Variants in IRS1 observed in about 807,000 individuals in gnomAD.
IRS1 encodes insulin receptor substrate 1.
IRS1 carries 34 observed loss-of-function variants against 65.6 expected under a neutral mutation model. The observed-to-expected ratio is 0.52, with a 90% CI of 0.39 to 0.69. The LOEUF is 0.69. IRS1 is among the 30% of genes least tolerant of loss of function. The pLI is 0.00. For synonymous variants in IRS1, 699 were observed against 683.5 expected (o/e 1.02, Z -0.35); for missense variants, 1,641 against 1,720.2 (o/e 0.95, Z 0.81).
chr2:226,772,312 T>C (rs1275531946), intron 1 of IRS1, among the ~76,000 whole-genome samples: 3 of 152,152 alleles, frequency 2.0e-5, no homozygotes, highest in African/African-American at 7.2e-5. Flanking sequence ...AACAACATTA[T>C]AAGACAGACT....
chr2:226,797,946 G>A lies in IRS1; in HGVS notation c.793C>T (p.Arg265Cys), dbSNP rs1412312472. 3.1e-6 allele frequency: 5 copies of A among 1,613,966 alleles called. No homozygotes were observed. The highest frequency in any genetic ancestry group is 4.2e-6 in the Non-Finnish European group (5 of 1,180,020). The change falls in exon 1 of 2, where the codon CGC (arginine) becomes TGC (cysteine). Residue 265 changes from arginine to cysteine, a missense_variant. By Grantham distance (180) the Arg-to-Cys change is radical (BLOSUM62 -3). This residue lies in a region of IRS1 where 1,324 missense variants were observed against 1,361.0 expected (regional missense o/e 0.97). Transcript: ENST00000305123. This position sits in a 1 kb window ranked among gnomAD's most constrained non-coding sequence, Gnocchi z 8.1. ...GAGGACTGGCTCTTGCTGCGAGGGCGGAACTCATCACTCATGGCCCGCATG... is the reference window on the plus strand; with the variant it reads ...GAGGACTGGCTCTTGCTGCGAGGGCAGAACTCATCACTCATGGCCCGCATG... Reference protein sequence around the residue: ...EAMRAMSDEFRPRSKSQSSSN... With the variant: ...EAMRAMSDEFCPRSKSQSSSN...
rs1939842705 is a variant in IRS1, at chr2:226,799,380, CTG to C, written c.-644_-643del. 1 of 1,268,314 alleles carries C rather than the reference CTG, an allele frequency of 7.9e-7. No homozygotes were observed. The highest frequency in any genetic ancestry group is 2.5e-5 in the Admixed American group (1 of 39,796). 78.6% of individuals were successfully genotyped at this position (1,268,314 alleles called of 1,614,324 possible). On this transcript the variant is annotated 5_prime_UTR_variant, in exon 1 of 2. The change abolishes the stop of an existing upstream ORF in the 5' untranslated region. Coordinates refer to ENST00000305123, the MANE Select transcript of IRS1 (RefSeq NM_005544.3). This position sits in a 1 kb window ranked among gnomAD's most constrained non-coding sequence, Gnocchi z 6.1. ...GCTGTTGCTGTTGCTGCTGCTGCTG[CTG>C]CTGCTGCTGCCGCCGCCCGCGGGCG... is the stretch of plus-strand genomic sequence containing the variant.
In IRS1 at chr2:226,794,777, G is replaced by A. The variant is rs543440893; in HGVS notation, c.*21+212C>T. ...CTACTTCACTTGGGAATTCTCAAAC[G>A]AAAAAGCCCTCCTGTGGCTGCTCCT... On this transcript the variant is annotated intron_variant, in intron 1 of 1. Coordinates refer to ENST00000305123, the MANE Select transcript of IRS1 (RefSeq NM_005544.3). The surrounding 1 kb of genome is among the most constrained non-coding windows in gnomAD (Gnocchi z 4.1). Among the ~76,000 whole-genome samples, 4 of 152,274 alleles carry A rather than the reference G, an allele frequency of 2.6e-5. No individual in the cohort carries two copies. The highest frequency in any genetic ancestry group is 3.9e-4 in the East Asian group (2 of 5,178).
Position 226,795,268 on chromosome 2 carries a change from C to T in IRS1, c.3471G>A (p.Gly1157=), listed in dbSNP as rs750119405. 6 of 1,613,850 alleles carry T rather than the reference C, an allele frequency of 3.7e-6. No homozygotes were observed. Among genetic ancestry groups the T allele is most frequent in the Non-Finnish European group, 5.1e-6 (6 of 1,180,012 alleles). Residue 1157 remains glycine (G), a synonymous_variant, in exon 1 of 2, where the codon GGG becomes GGA. Coordinates refer to ENST00000305123, the MANE Select transcript of IRS1 (RefSeq NM_005544.3). ...GTTTGGCTGGCTCCTTGGGGGCTCC[C>T]CCAAGCTCCCCAGGCCTCAGCCACA... ...ENVWLRPGEL[G]GAPKEPAKLC... is the part of the protein sequence containing the mutation.
Position 226,776,820 on chromosome 2 carries a change from C to A in IRS1, c.*21+18169G>T, listed in dbSNP as rs118101579. Among the ~76,000 whole-genome samples the A allele has an allele frequency of 4.9e-4, 75 of 152,252 alleles. No homozygotes were observed. The East Asian group carries it at 5.2e-3, about 11-fold the overall frequency. On this transcript the variant is annotated intron_variant, in intron 1 of 1. Transcript: ENST00000305123. ...TACTCAGGTGCTGAGGTAGGAGAAT[C>A]GCTGGAATCCAGGAGGCAGAGGCTG...
Position 226,734,127 on chromosome 2 carries a change from G to C in IRS1, c.*2145C>G, listed in dbSNP as rs1444746491. The C allele has an allele frequency of 6.6e-6, 1 of 152,122 alleles. No homozygotes were observed. The highest frequency in any genetic ancestry group is 1.5e-5 in the Non-Finnish European group (1 of 68,008). 9.4% of individuals were successfully genotyped at this position (152,122 alleles called of 1,614,324 possible). On this transcript the variant is annotated 3_prime_UTR_variant, in exon 2 of 2. Transcript: ENST00000305123. ...TCAAAGGAAAAGAGCAGGGCAGCTTGCTCTCTTCTTCCACTAGCAAGAGTA... is the reference window on the plus strand; with the variant it reads ...TCAAAGGAAAAGAGCAGGGCAGCTTCCTCTCTTCTTCCACTAGCAAGAGTA...
In IRS1 at chr2:226,795,498, G is replaced by A. The variant is rs200670773; in HGVS notation, c.3241C>T (p.Arg1081Cys). 56 of 1,613,478 alleles carry A rather than the reference G, an allele frequency of 3.5e-5. No homozygotes were observed. Among genetic ancestry groups the A allele is most frequent in the Middle Eastern group, 1.6e-4 (1 of 6,062 alleles). ...AFTRVNLSPN[R>C]NQSAKVIRAD... Reference sequence around the variant, plus strand: ...CGGATCACTTTGGCACTCTGGTTGCGGTTAGGACTGAGGTTCACCCGGGTG... The same window carrying A: ...CGGATCACTTTGGCACTCTGGTTGCAGTTAGGACTGAGGTTCACCCGGGTG... The change falls in exon 1 of 2, where the codon CGC becomes TGC. Residue 1081 changes from arginine to cysteine, a missense_variant. By Grantham distance (180) the Arg-to-Cys change is radical. Transcript: ENST00000305123.
intron 1 of IRS1, among the ~76,000 whole-genome samples, chr2:226,758,413 C>G (rs978333079): frequency 2.0e-5 from 3 of 152,066 alleles, no homozygotes; most frequent in South Asian, 2.1e-4. Flanking sequence ...AATCGAATAC[C>G]TTTATTTTCT....
chr2:226,796,953 C>A lies in IRS1; in HGVS notation c.1786G>T (p.Gly596Trp), dbSNP rs769250896. The A allele has an allele frequency of 1.3e-5, 20 of 1,563,888 alleles. No individual in the cohort carries two copies. Among genetic ancestry groups the A allele is most frequent in the African/African-American group, 4.1e-5 (3 of 74,008 alleles). Reference sequence around the variant, plus strand: ...GAGCTGTCTGGGCGGTGGTGCCCCCCCCGACGCTCCAAGGGGTGCATTTCC... The same window carrying A: ...GAGCTGTCTGGGCGGTGGTGCCCCCACCGACGCTCCAAGGGGTGCATTTCC... Reference protein sequence around the residue: ...GLEMHPLERRGGHHRPDSSTL... With the variant: ...GLEMHPLERRWGHHRPDSSTL... Residue 596 changes from glycine (G) to tryptophan (W), a missense_variant, in exon 1 of 2, where the codon GGG (glycine) becomes TGG (tryptophan). Physicochemically the swap from Gly to Trp is radical, Grantham distance 184. Coordinates refer to ENST00000305123, the MANE Select transcript of IRS1 (RefSeq NM_005544.3).
chr2:226,744,248 A>G (rs556534181), intron 1 of IRS1, among the ~76,000 whole-genome samples: 13 of 152,218 alleles, frequency 8.5e-5, no homozygotes, highest in Non-Finnish European at 1.9e-4. Context: ...GTCCCCGATA[A>G]TATGGGTTGT....
intron 1 of IRS1, among the ~76,000 whole-genome samples, chr2:226,781,086 G>T (rs1421805225): frequency 6.6e-6 from 1 of 152,176 alleles, no homozygotes; most frequent in African/African-American, 2.4e-5. Context: ...TGGTGTTACT[G>T]CTTCCATCAT....
intron 1 of IRS1, among the ~76,000 whole-genome samples, chr2:226,770,108 T>C (rs948506897): frequency 6.6e-6 from 1 of 152,202 alleles, no homozygotes; most frequent in Admixed American, 6.5e-5. Context: ...GGCAATTGAT[T>C]ACCAGTGTTC....
intron 1 of IRS1, among the ~76,000 whole-genome samples, chr2:226,777,920 A>C (rs890960844): frequency 6.6e-6 from 1 of 152,228 alleles, no homozygotes; most frequent in Non-Finnish European, 1.5e-5. Context: ...AAGTTTCAGC[A>C]AATAAATATA....
chr2:226,737,294 A>G (rs369191039), intron 1 of IRS1, among the ~76,000 whole-genome samples: 387 of 152,124 alleles, frequency 2.5e-3, no homozygotes, highest in African/African-American at 9.0e-3. Flanking sequence ...ATGGCTGCAT[A>G]GTATTCCATG....
Position 226,798,750 on chromosome 2 carries a change from C to G in IRS1, c.-12G>C. 6.2e-7 allele frequency: 1 copy of G among 1,608,746 alleles called. No individual in the cohort carries two copies. The highest frequency in any genetic ancestry group is 8.5e-7 in the Non-Finnish European group (1 of 1,178,268). ...GGAGGGCTCGCCATGCTGCCACCGCCACCACCAACGCTGAGCAGAGGGAGG... is the reference window on the plus strand; with the variant it reads ...GGAGGGCTCGCCATGCTGCCACCGCGACCACCAACGCTGAGCAGAGGGAGG... On this transcript the variant is annotated 5_prime_UTR_variant, in exon 1 of 2. Coordinates refer to ENST00000305123, the MANE Select transcript of IRS1 (RefSeq NM_005544.3). This position sits in a 1 kb window ranked among gnomAD's most constrained non-coding sequence, Gnocchi z 9.4.
Position 226,796,353 on chromosome 2 carries a change from C to T in IRS1, c.2386G>A (p.Gly796Ser), listed in dbSNP as rs375419734. The T allele has an allele frequency of 6.8e-6, 11 of 1,613,258 alleles. No individual in the cohort carries two copies. The highest frequency in any genetic ancestry group is 9.3e-6 in the Non-Finnish European group (11 of 1,180,040). Residue 796 changes from glycine (G) to serine (S), a missense_variant, in exon 1 of 2, where the codon GGT becomes AGT. Coordinates refer to ENST00000305123, the MANE Select transcript of IRS1 (RefSeq NM_005544.3). ...HQHLRLSTSS[G>S]RLLYAATADD... ...GCTGTTGCAGCATAGAGAAGGCGAC[C>T]AGAGCTAGTGGAAAGGCGGAGGTGC...
At chr2:226,785,967 C>A (rs1939479601) in intron 1 of IRS1, among the ~76,000 whole-genome samples, 2 of 139,888 alleles carry the variant, frequency 1.4e-5, no homozygotes, top group South Asian at 5.1e-4. Flanking sequence ...TTGTTCAATT[C>A]CCACCTATGA....
At chr2:226,744,389 C>T (rs1426756524) in intron 1 of IRS1, among the ~76,000 whole-genome samples, 1 of 152,186 alleles carries the variant, frequency 6.6e-6, no homozygotes, top group Admixed American at 6.5e-5. Context: ...GATCCTTAAA[C>T]AGGCCTAACA....
chr2:226,796,941 G>T lies in IRS1; in HGVS notation c.1798C>A (p.Arg600Ser). ...HPLERRGGHH[R>S]PDSSTLHTDD... Reference sequence around the variant, plus strand: ...GTGTGGAGGGTGGAGCTGTCTGGGCGGTGGTGCCCCCCCCGACGCTCCAAG... The same window carrying T: ...GTGTGGAGGGTGGAGCTGTCTGGGCTGTGGTGCCCCCCCCGACGCTCCAAG... Residue 600 changes from arginine to serine, a missense_variant, in exon 1 of 2, where the codon CGC becomes AGC. Arg to Ser is a moderately radical substitution (Grantham distance 110, BLOSUM62 -1). Around this residue, in one of 3 missense-constraint regions of IRS1, gnomAD observed 1,324 missense variants for 1,361.0 expected, o/e 0.97. Transcript: ENST00000305123. The T allele has an allele frequency of 6.4e-7, 1 of 1,556,832 alleles. No individual in the cohort carries two copies. The highest frequency in any genetic ancestry group is 1.7e-4 in the Middle Eastern group (1 of 5,784).
Sources: allele counts gnomAD v4.1 joint callset (sites outside exome capture counted in the v4.1 genomes callset), GRCh38; gene constraint gnomAD v4.1.1; regional missense constraint gnomAD v4.1.1; non-coding constraint Gnocchi (gnomAD v3.1); transcripts MANE v1.5; gene names NCBI Gene and HGNC (gene_info 2026-07-23, HGNC 2026-07-21).